Variants in KIAA0232 observed in about 807,000 individuals in gnomAD.
KIAA0232 encodes the protein uncharacterized protein KIAA0232.
KIAA0232 carries 27 observed loss-of-function variants against 122.0 expected under a neutral mutation model. That is an observed-to-expected ratio of 0.22 (90% CI 0.16 to 0.31). KIAA0232 has a LOEUF of 0.31. Among genes scored for constraint, KIAA0232 ranks in the 10% least tolerant of loss-of-function variants. The probability of loss-of-function intolerance (pLI) is 1.00; values close to 1 mark genes in which losing one functional copy is unlikely to be tolerated. For missense variants in KIAA0232, 1,551 were observed against 1,634.2 expected (o/e 0.95, Z 0.88); for synonymous variants, 613 against 587.6 (o/e 1.04, Z -0.63).
chr4:6,848,932 T>A lies in KIAA0232; in HGVS notation c.369+6728T>A, dbSNP rs144538737. 1.5e-4 allele frequency among the ~76,000 whole-genome samples: 23 copies of A among 152,320 alleles called. No homozygotes were observed. In the East Asian group the frequency reaches 3.1e-3, roughly 20 times the overall value. On this transcript the variant is annotated intron_variant, in intron 4 of 9. Coordinates refer to ENST00000307659, the MANE Select transcript of KIAA0232 (RefSeq NM_014743.3). Reference sequence around the variant, plus strand: ...CCAGTCCTGCCTGAGGAAGCCTAAGTCCTATGTCTTTGGGTATATAGATGG... The same window carrying A: ...CCAGTCCTGCCTGAGGAAGCCTAAGACCTATGTCTTTGGGTATATAGATGG...
chr4:6,838,170 A>G (rs1195697716), intron 3 of KIAA0232, among the ~76,000 whole-genome samples: 1 of 148,708 alleles, frequency 6.7e-6, no homozygotes, highest in Non-Finnish European at 1.5e-5. Context: ...ACTAGTAAGT[A>G]TGAGGGTAAC....
chr4:6,820,406 T>G (rs1304462840), intron 2 of KIAA0232, among the ~76,000 whole-genome samples: 1 of 152,212 alleles, frequency 6.6e-6, no homozygotes, highest in Non-Finnish European at 1.5e-5. Flanking sequence ...GTGGAGGGTT[T>G]GTTTTTTAAT....
At chr4:6,841,927 G>A (rs527454089) in intron 3 of KIAA0232, 140 bp from the exon 4 acceptor site, 55 of 924,558 alleles carry the variant, frequency 5.9e-5, no homozygotes, top group Non-Finnish European at 7.3e-5. Context: ...AGCTCCCTTC[G>A]TCGCAGAAAT....
At chr4:6,806,218 A>G (rs1199646220) in intron 2 of KIAA0232, among the ~76,000 whole-genome samples, 4 of 152,188 alleles carry the variant, frequency 2.6e-5, no homozygotes, top group East Asian at 3.9e-4. Flanking sequence ...TTTGACATCT[A>G]ATTGGTCTAA....
chr4:6,800,165 C>A (rs1211952284), intron 1 of KIAA0232, among the ~76,000 whole-genome samples: 2 of 141,538 alleles, frequency 1.4e-5, no homozygotes, highest in Non-Finnish European at 3.0e-5. Context: ...TCAAGTGATT[C>A]TCCTGCCTCA....
intron 2 of KIAA0232, among the ~76,000 whole-genome samples, chr4:6,809,957 A>G (rs543803890): frequency 7.9e-5 from 12 of 152,340 alleles, no homozygotes; most frequent in Non-Finnish European, 1.2e-4. Flanking sequence ...AAAACATCCA[A>G]TGCTCATGGA....
At chr4:6,797,428 A>G (rs1391499943) in intron 1 of KIAA0232, among the ~76,000 whole-genome samples, 1 of 152,216 alleles carries the variant, frequency 6.6e-6, no homozygotes, top group Non-Finnish European at 1.5e-5. Context: ...TAAGAAGGAT[A>G]TGATATGCTA....
At chr4:6,872,841 G>A (rs370469974) in intron 8 of KIAA0232, among the ~76,000 whole-genome samples, 4 of 152,184 alleles carry the variant, frequency 2.6e-5, no homozygotes, top group African/African-American at 7.2e-5. Context: ...GGCATCCCTC[G>A]GCAGCATGGG....
At chr4:6,794,899 A>G (rs1047123842) in intron 1 of KIAA0232, among the ~76,000 whole-genome samples, 4 of 152,162 alleles carry the variant, frequency 2.6e-5, no homozygotes, top group Admixed American at 6.5e-5. Flanking sequence ...TGCCAGTCAG[A>G]TATCTCCTTG....
Position 6,824,183 on chromosome 4 carries a change from A to T in KIAA0232, c.-269-2A>T. The T allele has an allele frequency of 2.0e-6, 1 of 502,584 alleles. No individual in the cohort carries two copies. Among genetic ancestry groups the T allele is most frequent in the Non-Finnish European group, 3.5e-6 (1 of 284,498 alleles). 31.1% of individuals were successfully genotyped at this position (502,584 alleles called of 1,614,324 possible). On this transcript the variant is annotated splice_acceptor_variant, in intron 2 of 9. Transcript: ENST00000307659. LOFTEE classifies it low-confidence loss of function (5UTR_SPLICE). ...ACTTTTTTTCCTCTCTCATTTTTGT[A>T]GGTTCTGCCGGAGACTTCCATTTGG...
intron 2 of KIAA0232, among the ~76,000 whole-genome samples, chr4:6,821,632 G>A (rs988804768): frequency 2.0e-5 from 3 of 150,480 alleles, no homozygotes; most frequent in African/African-American, 5.0e-5. Flanking sequence ...ATATATATAC[G>A]TGTATATAGA....
chr4:6,876,999 C>CA (rs1721791421), intron 9 of KIAA0232, among the ~76,000 whole-genome samples: 1 of 152,114 alleles, frequency 6.6e-6, no homozygotes, highest in South Asian at 2.1e-4. Flanking sequence ...GCTCTCTCCC[C>CA]AGTCTTGGCT....
rs1722184410 is a variant in KIAA0232, at chr4:6,883,739, A to T, written c.*2773A>T. 1 of 152,208 alleles carries T rather than the reference A, an allele frequency of 6.6e-6. No individual in the cohort carries two copies. Among genetic ancestry groups the T allele is most frequent in the Non-Finnish European group, 1.5e-5 (1 of 68,040 alleles). 9.4% of individuals were successfully genotyped at this position (152,208 alleles called of 1,614,324 possible). A position where few individuals can be genotyped will look rare whatever the true frequency, so the allele number is the denominator to read the frequency against. On this transcript the variant is annotated 3_prime_UTR_variant, in exon 10 of 10. Transcript: ENST00000307659. ...AATATGATTGATATTCATTGTGCAA[A>T]AAAAATCAGTGTGTTTTTAAAGAAG... is the stretch of plus-strand genomic sequence containing the variant.
chr4:6,809,042 C>T (rs1447580069), intron 2 of KIAA0232, among the ~76,000 whole-genome samples: 1 of 152,188 alleles, frequency 6.6e-6, no homozygotes, highest in African/African-American at 2.4e-5. Flanking sequence ...GGGAGGAAGA[C>T]AGTGGTATGC....
At chr4:6,828,243 G>C (rs1718798585) in intron 3 of KIAA0232, among the ~76,000 whole-genome samples, 1 of 152,170 alleles carries the variant, frequency 6.6e-6, no homozygotes, top group Admixed American at 6.5e-5. Context: ...ATGCAGTGGG[G>C]TTTACCTGTA....
chr4:6,812,132 A>G (rs1717908058), intron 2 of KIAA0232, among the ~76,000 whole-genome samples: 1 of 152,052 alleles, frequency 6.6e-6, no homozygotes, highest in Admixed American at 6.6e-5. Flanking sequence ...GTCTTGGACA[A>G]CCTCCTGGAA....
In KIAA0232 at chr4:6,840,996, A is replaced by G. The variant is rs12507840; in HGVS notation, c.232-1071A>G. ...GTACATTAAGCCTTAAAAAAACAGC[A>G]TGAGGGACCTCTCAAATACAAGTAT... is the stretch of plus-strand genomic sequence containing the variant. On this transcript the variant is annotated intron_variant, in intron 3 of 9. Coordinates refer to ENST00000307659, the MANE Select transcript of KIAA0232 (RefSeq NM_014743.3). Among the ~76,000 whole-genome samples, 499 of 152,362 alleles carry G rather than the reference A, an allele frequency of 3.3e-3. 16 individuals carry two copies. Among genetic ancestry groups the G allele is most frequent in the Admixed American group, 0.029 (438 of 15,306 alleles).
chr4:6,857,024 G>A, intron 4 of KIAA0232, 140 bp from the exon 5 acceptor site: 1 of 511,690 alleles, frequency 2.0e-6, no homozygotes, highest in Non-Finnish European at 3.3e-6. Flanking sequence ...TTAAACTGTA[G>A]TATTCACGTA....
chr4:6,859,190 A>G (rs1019097566), intron 6 of KIAA0232, among the ~76,000 whole-genome samples: 6 of 151,868 alleles, frequency 4.0e-5, no homozygotes, highest in African/African-American at 1.2e-4. Context: ...TGTTTACTGC[A>G]GAGGGAACAT....
Sources: gnomAD v4.1 joint callset for allele counts (sites outside exome capture counted in the v4.1 genomes callset) on GRCh38, gnomAD v4.1.1 for gene constraint, MANE v1.5 for transcripts, NCBI Gene and HGNC (gene_info 2026-07-23, HGNC 2026-07-21) for gene names.